Variants in TMEM135 observed in about 807,000 individuals in gnomAD.
The protein encoded by TMEM135 is peroxisomal membrane protein 52.
A neutral mutation model predicts 60.3 loss-of-function variants in TMEM135; 30 were observed. The ratio of observed to expected loss-of-function variants is 0.50; its 90% CI spans 0.37 to 0.68. The LOEUF is 0.68. Ranked by LOEUF, TMEM135 falls within the 30% of genes least tolerant of loss-of-function variation. The pLI, the probability that TMEM135 is intolerant of heterozygous loss-of-function variation, is 0.00. For synonymous variants in TMEM135, 190 were observed against 186.7 expected, an observed-to-expected ratio of 1.02 and a Z score of -0.14; for missense variants, 468 against 548.8, an observed-to-expected ratio of 0.85 and a Z score of 1.47.
Position 87,158,374 on chromosome 11 carries a change from T to G in TMEM135, c.462+968T>G, listed in dbSNP as rs1476552790. ...ATGACTATAAATGTGTTGGTTGATG[T>G]ATTTGCTCATTAGGCAGAAATGTGC... is the stretch of plus-strand genomic sequence containing the variant. On this transcript the variant is annotated intron_variant, in intron 5 of 14. Transcript: ENST00000305494. Among the ~76,000 whole-genome samples, 3 of 152,220 alleles carry G rather than the reference T, an allele frequency of 2.0e-5. No homozygotes were observed. The South Asian group carries it at 6.2e-4, about 31-fold the overall frequency.
In TMEM135 at chr11:87,328,313, T is replaced by C. The variant is rs184127768; in HGVS notation, c.*6980T>C. 101 of 454,126 alleles carry C rather than the reference T, an allele frequency of 2.2e-4. No individual in the cohort carries two copies. Among genetic ancestry groups the C allele is most frequent in the African/African-American group, 1.7e-3 (87 of 50,140 alleles). 28.1% of individuals were successfully genotyped at this position (454,126 alleles called of 1,614,324 possible). A position where few individuals can be genotyped will look rare whatever the true frequency, so the allele number is the denominator to read the frequency against. On this transcript the variant is annotated 3_prime_UTR_variant, in exon 15 of 15. Transcript: ENST00000305494. ...GAAGGTTTTGCTCATCTTTAAAAAA[T>C]CTTAGTTGATTATGTTTTATGTGTC...
intron 6 of TMEM135, among the ~76,000 whole-genome samples, chr11:87,237,361 T>C (rs891316602): frequency 4.6e-5 from 7 of 151,960 alleles, no homozygotes; most frequent in Non-Finnish European, 8.8e-5. Context: ...TTAATTTCCA[T>C]TTATTTTACT....
chr11:87,302,223 A>G, intron 7 of TMEM135, 73 bp from the exon 8 acceptor site: 1 of 1,507,236 alleles, frequency 6.6e-7, no homozygotes. Flanking sequence ...TTTGTTTATA[A>G]ACAAAGTCTT....
Position 87,202,124 on chromosome 11 carries a change from C to G in TMEM135, c.463-34514C>G, listed in dbSNP as rs185791858. On this transcript the variant is annotated intron_variant, in intron 5 of 14. Coordinates refer to ENST00000305494, the MANE Select transcript of TMEM135 (RefSeq NM_022918.4). ...CATTGCAACCTCCACCTCCCTGATT[C>G]AAGTGATTCTCCTGCCTCAGCCCCC... Among the ~76,000 whole-genome samples the G allele has an allele frequency of 4.4e-3, 671 of 152,248 alleles. 10 individuals are homozygous for G. Among genetic ancestry groups the G allele is most frequent in the African/African-American group, 0.016 (652 of 41,538 alleles).
intron 9 of TMEM135, among the ~76,000 whole-genome samples, chr11:87,307,380 CAA>C (rs5793247): frequency 8.0e-5 from 11 of 137,898 alleles, no homozygotes; most frequent in African/African-American, 1.9e-4. Flanking sequence ...TTAAAGTGGC[CAA>C]AAAAAAAAAA....
In TMEM135 at chr11:87,280,196, G is replaced by A. The variant is rs531883353; in HGVS notation, c.510-15586G>A. Among the ~76,000 whole-genome samples the A allele has an allele frequency of 6.6e-5, 10 of 152,170 alleles. No individual in the cohort carries two copies. The East Asian group carries it at 7.7e-4, about 12-fold the overall frequency. ...TATCAGTTGCTTTCAAAAATTCAGC[G>A]TGTAGGCTGTCATTTAAAAAGTTTA... On this transcript the variant is annotated intron_variant, in intron 6 of 14. Coordinates refer to ENST00000305494, the MANE Select transcript of TMEM135 (RefSeq NM_022918.4).
At chr11:87,125,666 T>C (rs914680158) in intron 4 of TMEM135, among the ~76,000 whole-genome samples, 1 of 152,196 alleles carries the variant, frequency 6.6e-6, no homozygotes, top group African/African-American at 2.4e-5. Context: ...TAGAAAACCA[T>C]TGGAGACTTT....
intron 5 of TMEM135, among the ~76,000 whole-genome samples, chr11:87,203,125 C>T (rs1940157783): frequency 6.6e-6 from 1 of 150,904 alleles, no homozygotes; most frequent in South Asian, 2.1e-4. Flanking sequence ...TGGCCCCACA[C>T]ACATTCATAC....
At chr11:87,195,609 C>T (rs796859705) in intron 5 of TMEM135, among the ~76,000 whole-genome samples, 24 of 152,134 alleles carry the variant, frequency 1.6e-4, no homozygotes, top group African/African-American at 5.8e-4. Context: ...GGGGTTTCTC[C>T]ATGTTGGTCA....
intron 5 of TMEM135, among the ~76,000 whole-genome samples, chr11:87,219,704 T>C (rs1019994414): frequency 1.3e-5 from 2 of 152,146 alleles, no homozygotes; most frequent in Non-Finnish European, 2.9e-5. Flanking sequence ...ATATGAATTT[T>C]TGGGGGACAC....
Position 87,252,664 on chromosome 11 carries a change from G to T in TMEM135, c.509+15980G>T, listed in dbSNP as rs181762821. ...CACATGCCTGTAATCCCAGCTACTT[G>T]GGTGGCTGAGGCAGGAGAATCGCCT... On this transcript the variant is annotated intron_variant, in intron 6 of 14. Coordinates refer to ENST00000305494, the MANE Select transcript of TMEM135 (RefSeq NM_022918.4). Among the ~76,000 whole-genome samples, 106 of 152,008 alleles carry T rather than the reference G, an allele frequency of 7.0e-4. No homozygotes were observed. In the East Asian group the frequency reaches 0.018, roughly 26 times the overall value.
At chr11:87,127,658 G>T (rs564301024) in intron 4 of TMEM135, among the ~76,000 whole-genome samples, 1 of 152,212 alleles carries the variant, frequency 6.6e-6, no homozygotes, top group Non-Finnish European at 1.5e-5. Context: ...TAAGAGGCCA[G>T]TTAAAGACAA....
At chr11:87,198,836 G>A (rs549200623) in intron 5 of TMEM135, among the ~76,000 whole-genome samples, 12 of 152,030 alleles carry the variant, frequency 7.9e-5, no homozygotes, top group South Asian at 6.2e-4. Context: ...AATGAAGAAC[G>A]TTTGACTGAG....
At chr11:87,170,541 G>C (rs1939205885) in intron 5 of TMEM135, among the ~76,000 whole-genome samples, 1 of 152,102 alleles carries the variant, frequency 6.6e-6, no homozygotes, top group Non-Finnish European at 1.5e-5. Context: ...TAACAGTCAG[G>C]CCCCTATGCT....
intron 4 of TMEM135, among the ~76,000 whole-genome samples, chr11:87,119,578 C>T (rs74815630): frequency 0.098 from 14,848 of 152,272 alleles, 757 homozygotes; most frequent in African/African-American, 0.1. Flanking sequence ...TGATGCACGC[C>T]TGTAATCCCA....
At chr11:87,195,297 T>C (rs1939907888) in intron 5 of TMEM135, among the ~76,000 whole-genome samples, 1 of 151,440 alleles carries the variant, frequency 6.6e-6, no homozygotes, top group Non-Finnish European at 1.5e-5. Context: ...GAAAAAGTCA[T>C]TTTCTCTTTC....
chr11:87,192,681 A>G (rs914524360), intron 5 of TMEM135, among the ~76,000 whole-genome samples: 4 of 152,206 alleles, frequency 2.6e-5, no homozygotes, highest in African/African-American at 9.6e-5. Context: ...ATGTAATTTG[A>G]TAAAACAATT....
At chr11:87,272,725 G>T (rs963204935) in intron 6 of TMEM135, among the ~76,000 whole-genome samples, 1 of 152,066 alleles carries the variant, frequency 6.6e-6, no homozygotes, top group Non-Finnish European at 1.5e-5. Flanking sequence ...GCCTCCCAAA[G>T]TTCTGGAACT....
At chr11:87,320,006 T>C (rs1354891234) in intron 14 of TMEM135, among the ~76,000 whole-genome samples, 2 of 152,152 alleles carry the variant, frequency 1.3e-5, no homozygotes, top group Non-Finnish European at 2.9e-5. Context: ...CATTGTATGG[T>C]TGTAGGAAAA....
Sources: allele counts gnomAD v4.1 joint callset (sites outside exome capture counted in the v4.1 genomes callset), GRCh38; gene constraint gnomAD v4.1.1; transcripts MANE v1.5; gene names NCBI Gene and HGNC (gene_info 2026-07-23, HGNC 2026-07-21).